Variants in IL18R1 observed in about 807,000 individuals in gnomAD.
The protein encoded by IL18R1 is interleukin-18 receptor 1.
IL18R1 carries 40 observed loss-of-function variants against 48.5 expected under a neutral mutation model. The observed-to-expected ratio is 0.82, with a 90% CI of 0.64 to 1.07. The LOEUF is 1.07. Ranked by LOEUF, IL18R1 falls within the 50% of genes least tolerant of loss-of-function variation. The pLI, the probability that IL18R1 is intolerant of heterozygous loss-of-function variation, is 0.00. For synonymous variants in IL18R1, 232 were observed against 225.9 expected (o/e 1.03, Z -0.24); for missense variants, 596 against 633.7 (o/e 0.94, Z 0.64).
In IL18R1 at chr2:102,384,943, G is replaced by A. The variant is rs374788069; in HGVS notation, c.754G>A (p.Gly252Arg). Reference sequence around the variant, plus strand: ...AGAGGATGTAATTTATTGGATGTTCGGGGAAGAAAATGGATCGGATCCTAA... The same window carrying A: ...AGAGGATGTAATTTATTGGATGTTCAGGGAAGAAAATGGATCGGATCCTAA... ...NEEDVIYWMF[G>R]EENGSDPNIH... is the part of the protein sequence containing the mutation. Residue 252 changes from glycine (G) to arginine (R), a missense_variant, in exon 7 of 11, where the codon GGG (glycine) becomes AGG (arginine). Gly to Arg is a moderately radical substitution (Grantham distance 125, BLOSUM62 -2). This residue lies in a region of IL18R1 where 360 missense variants were observed against 339.4 expected (regional missense o/e 1.06). Coordinates refer to ENST00000233957, the MANE Select transcript of IL18R1 (RefSeq NM_003855.5). 51 of 1,608,032 alleles carry A rather than the reference G, an allele frequency of 3.2e-5. 1 individual carries two copies. The highest frequency in any genetic ancestry group is 5.5e-5 in the South Asian group (5 of 90,718).
At chr2:102,381,369 C>T (rs1233133928) in intron 5 of IL18R1, among the ~76,000 whole-genome samples, 1 of 152,212 alleles carries the variant, frequency 6.6e-6, no homozygotes, top group Non-Finnish European at 1.5e-5. Flanking sequence ...AGTCAGGCTG[C>T]AGTGGATGGG....
chr2:102,380,252 A>G (rs1679839916), intron 5 of IL18R1, among the ~76,000 whole-genome samples: 1 of 152,178 alleles, frequency 6.6e-6, no homozygotes, highest in Non-Finnish European at 1.5e-5. Context: ...GTGCAAACTC[A>G]GGGCTGATCT....
chr2:102,361,596 A>G (rs888537089), intron 1 of IL18R1, among the ~76,000 whole-genome samples: 19 of 152,186 alleles, frequency 1.2e-4, no homozygotes, highest in Non-Finnish European at 7.3e-5. Flanking sequence ...CCTTCTTATC[A>G]TCTCCATTTT....
intron 4 of IL18R1, 66 bp from the exon 5 acceptor site, chr2:102,375,841 T>C: frequency 9.2e-7 from 1 of 1,084,014 alleles, no homozygotes; most frequent in Non-Finnish European, 1.2e-6. Context: ...AACTCAAAAA[T>C]TTGGATCACT....
chr2:102,376,390 A>G (rs1219945331), intron 5 of IL18R1, among the ~76,000 whole-genome samples: 1 of 152,230 alleles, frequency 6.6e-6, no homozygotes, highest in African/African-American at 2.4e-5. Context: ...AGATATCTAT[A>G]CTCAATAAAC....
At chr2:102,362,764 G>A in intron 2 of IL18R1, 46 bp downstream of exon 2, 1 of 1,267,688 alleles carries the variant, frequency 7.9e-7, no homozygotes, top group Non-Finnish European at 1.1e-6. Flanking sequence ...GAGTAATTGA[G>A]GAAGAATGTC....
At chr2:102,365,464 A>C (rs2871456) in intron 2 of IL18R1, among the ~76,000 whole-genome samples, 1,774 of 152,302 alleles carry the variant, frequency 0.012, 45 homozygotes, top group Non-Finnish European at 0.013. Context: ...GTGGCTTTGC[A>C]GGGTACATCT....
rs1242154868 is a variant in IL18R1 at position 102,397,696 on chromosome 2, T to C, written c.*810T>C. Reference sequence around the variant, plus strand: ...TTGCCAGGTTGTATTAGCCATTGAATAGCAAAAAACTGATAGTTACTTGCT... The same window carrying C: ...TTGCCAGGTTGTATTAGCCATTGAACAGCAAAAAACTGATAGTTACTTGCT... On this transcript the variant is annotated 3_prime_UTR_variant, in exon 11 of 11. Coordinates refer to ENST00000233957, the MANE Select transcript of IL18R1 (RefSeq NM_003855.5). The C allele has an allele frequency of 2.6e-5, 4 of 152,370 alleles. No individual in the cohort carries two copies. The highest frequency in any genetic ancestry group is 5.9e-5 in the Non-Finnish European group (4 of 68,038). 9.4% of individuals were successfully genotyped at this position (152,370 alleles called of 1,614,324 possible).
intron 3 of IL18R1, among the ~76,000 whole-genome samples, chr2:102,369,000 TA>T (rs964956668): frequency 4.6e-5 from 7 of 152,330 alleles, no homozygotes; most frequent in Admixed American, 6.5e-5. Flanking sequence ...TGTTTGTTTT[TA>T]TACATAGGAA....
At position 102,397,386 on chromosome 2, in the gene IL18R1, G is replaced by A. The variant is rs1298203177; in HGVS notation, c.*500G>A. ...GGTTGTGCATAGGATGTGGGAGGAG[G>A]GGCTGGCAGGGCCGCCTTCAGAGGC... On this transcript the variant is annotated 3_prime_UTR_variant, in exon 11 of 11. Coordinates refer to ENST00000233957, the MANE Select transcript of IL18R1 (RefSeq NM_003855.5). The A allele has an allele frequency of 6.5e-6, 1 of 153,206 alleles. No individual in the cohort carries two copies. The highest frequency in any genetic ancestry group is 1.9e-4 in the East Asian group (1 of 5,350). 9.5% of individuals were successfully genotyped at this position (153,206 alleles called of 1,614,324 possible). A position where few individuals can be genotyped will look rare whatever the true frequency, so the allele number is the denominator to read the frequency against.
chr2:102,358,616 G>C (rs903439938), intron 1 of IL18R1, among the ~76,000 whole-genome samples: 1 of 152,068 alleles, frequency 6.6e-6, no homozygotes, highest in Non-Finnish European at 1.5e-5. Flanking sequence ...GCCCTACGTC[G>C]GCGGCTCTCT....
chr2:102,373,667 C>G lies in IL18R1; in HGVS notation c.468+1549C>G, dbSNP rs539379718. 1.6e-4 allele frequency among the ~76,000 whole-genome samples: 24 copies of G among 152,182 alleles called. No individual in the cohort carries two copies. In the South Asian group the frequency reaches 4.8e-3, roughly 30 times the overall value. ...AGGAATTATATATACACATACATAG[C>G]GTGTGTGAGTGTAGTGTGTGTATGC... is the stretch of plus-strand genomic sequence containing the variant. On this transcript the variant is annotated intron_variant, in intron 4 of 10. Transcript: ENST00000233957.
In IL18R1 at chr2:102,389,783, A is replaced by C. The variant is rs547987907; in HGVS notation, c.950-273A>C. ...TCTTCACCCCAGAAATCTGATTTCC[A>C]CGGGTACGGATAGAATACATTACTG... is the stretch of plus-strand genomic sequence containing the variant. On this transcript the variant is annotated intron_variant, in intron 8 of 10. Transcript: ENST00000233957. 2.6e-5 allele frequency among the ~76,000 whole-genome samples: 4 copies of C among 152,320 alleles called. No homozygotes were observed. In the South Asian group the frequency reaches 8.3e-4, roughly 32 times the overall value.
At chr2:102,382,927 C>G (rs1225759918) in intron 6 of IL18R1, among the ~76,000 whole-genome samples, 1 of 151,864 alleles carries the variant, frequency 6.6e-6, no homozygotes, top group African/African-American at 2.4e-5. Context: ...TTTAATTATC[C>G]TCTGGTAGTA....
intron 1 of IL18R1, among the ~76,000 whole-genome samples, chr2:102,361,208 G>T (rs986630608): frequency 3.9e-5 from 6 of 152,192 alleles, no homozygotes; most frequent in African/African-American, 1.4e-4. Flanking sequence ...CAAGATAAAA[G>T]AATAGGCAGA....
In IL18R1 at chr2:102,379,263, G is replaced by A. The variant is rs1438837764; in HGVS notation, c.626-2357G>A. ...GTTCGGGACAGGCCTGGCCAACATG[G>A]CAAAACCCCATCTCTACTAAAAACA... On this transcript the variant is annotated intron_variant, in intron 5 of 10. Coordinates refer to ENST00000233957, the MANE Select transcript of IL18R1 (RefSeq NM_003855.5). Among the ~76,000 whole-genome samples, 6 of 152,050 alleles carry A rather than the reference G, an allele frequency of 3.9e-5. No homozygotes were observed. In the East Asian group the frequency reaches 9.7e-4, roughly 25 times the overall value.
intron 1 of IL18R1, among the ~76,000 whole-genome samples, chr2:102,357,710 A>T (rs1232048682): frequency 6.6e-6 from 1 of 152,088 alleles, no homozygotes; most frequent in East Asian, 1.9e-4. Context: ...GGCATCTGGG[A>T]TAAGTGGGGA....
chr2:102,357,470 G>A (rs1278779916), intron 1 of IL18R1, among the ~76,000 whole-genome samples: 3 of 147,606 alleles, frequency 2.0e-5, no homozygotes, highest in Non-Finnish European at 3.0e-5. Flanking sequence ...CAGCCTGGGC[G>A]ACAGAGTGAG....
intron 1 of IL18R1, among the ~76,000 whole-genome samples, 164 bp from the exon 2 acceptor site, chr2:102,362,469 A>G (rs1216851308): frequency 1.3e-5 from 2 of 152,244 alleles, no homozygotes; most frequent in African/African-American, 4.8e-5. Context: ...TATTAATTTT[A>G]TATGGCTGAA....
Sources: allele counts gnomAD v4.1 joint callset (sites outside exome capture counted in the v4.1 genomes callset), GRCh38; gene constraint gnomAD v4.1.1; regional missense constraint gnomAD v4.1.1; transcripts MANE v1.5; gene names NCBI Gene and HGNC (gene_info 2026-07-23, HGNC 2026-07-21).